GRIP1: variants seen among roughly 807,000 people sequenced by gnomAD.
GRIP1 encodes the protein glutamate receptor interacting protein 1.
GRIP1 carries 45 observed loss-of-function variants against 129.9 expected under a neutral mutation model. That is an observed-to-expected ratio of 0.35 (90% CI 0.27 to 0.44). The LOEUF (loss-of-function observed/expected upper bound fraction) is 0.44, where lower values mean the gene tolerates loss of function less well. Ranked by LOEUF, GRIP1 falls within the 20% of genes least tolerant of loss-of-function variation. The pLI is 1.00. For missense variants in GRIP1, 1,196 were observed against 1,396.8 expected (o/e 0.86, Z 2.29); for synonymous variants, 530 against 520.8 (o/e 1.02, Z -0.24).
chr12:66,838,705 G>T (rs1050923227), intron 1 of GRIP1, among the ~76,000 whole-genome samples: 7 of 152,154 alleles, frequency 4.6e-5, no homozygotes, highest in African/African-American at 1.7e-4. Context: ...GATAAAAATA[G>T]GTGAGTTGAT....
intron 1 of GRIP1, among the ~76,000 whole-genome samples, chr12:66,871,082 C>A (rs761375157): frequency 1.4e-4 from 22 of 152,012 alleles, no homozygotes; most frequent in Admixed American, 4.6e-4. Context: ...AATCTCAGCA[C>A]TGATGTGAGG....
intron 2 of GRIP1, among the ~76,000 whole-genome samples, chr12:66,543,611 A>G (rs1428349054): frequency 1.3e-5 from 2 of 152,184 alleles, no homozygotes; most frequent in African/African-American, 4.8e-5. Context: ...TGAAGACATC[A>G]CCTTAATAAA....
At chr12:66,920,205 A>G (rs1475414880) in intron 1 of GRIP1, among the ~76,000 whole-genome samples, 1 of 152,172 alleles carries the variant, frequency 6.6e-6, no homozygotes, top group Admixed American at 6.5e-5. Context: ...ATTAAATAAT[A>G]AAACCTCAGC....
chr12:66,665,723 G>T (rs1475448673), intron 1 of GRIP1, among the ~76,000 whole-genome samples: 2 of 152,164 alleles, frequency 1.3e-5, no homozygotes, highest in African/African-American at 2.4e-5. Context: ...AAACAGTGCT[G>T]CTAGGACCAT....
intron 9 of GRIP1, among the ~76,000 whole-genome samples, chr12:66,457,821 C>T (rs1230644900): frequency 6.6e-6 from 1 of 152,164 alleles, no homozygotes; most frequent in Non-Finnish European, 1.5e-5. Context: ...GCCTCCAGCC[C>T]TTCCTCTTTG....
chr12:66,548,281 T>TA (rs2062009844), intron 2 of GRIP1, among the ~76,000 whole-genome samples: 2 of 152,312 alleles, frequency 1.3e-5, no homozygotes, highest in South Asian at 2.1e-4. Flanking sequence ...GGAGGTGCTG[T>TA]AAAAAATTCT....
At chr12:66,694,073 C>T (rs892904119) in intron 1 of GRIP1, among the ~76,000 whole-genome samples, 1 of 152,172 alleles carries the variant, frequency 6.6e-6, no homozygotes, top group African/African-American at 2.4e-5. Flanking sequence ...AGCATCTCTT[C>T]CTCAAGACAT....
At chr12:66,506,330 C>T (rs2060525097) in intron 7 of GRIP1, among the ~76,000 whole-genome samples, 1 of 152,130 alleles carries the variant, frequency 6.6e-6, no homozygotes, top group Non-Finnish European at 1.5e-5. Context: ...GTGATCTATT[C>T]ACACAATGGA....
intron 2 of GRIP1, chr12:66,563,448 G>A (rs2062612743): frequency 6.6e-6 from 1 of 152,150 alleles, no homozygotes; most frequent in Non-Finnish European, 1.5e-5. Flanking sequence ...TTTTCCCACT[G>A]TAATTGTTCA....
intron 16 of GRIP1, among the ~76,000 whole-genome samples, chr12:66,396,103 G>C (rs115124026): frequency 3.3e-4 from 50 of 152,208 alleles, no homozygotes; most frequent in African/African-American, 1.1e-3. Flanking sequence ...CATTTGATTA[G>C]TAGTCCCTGG....
chr12:67,066,863 T>C lies in GRIP1; in HGVS notation c.58+2187A>G, dbSNP rs1430317892. 2.1e-5 allele frequency among the ~76,000 whole-genome samples: 3 copies of C among 143,838 alleles called. No homozygotes were observed. The Admixed American group carries it at 2.2e-4, about 10-fold the overall frequency. 94.4% of individuals were successfully genotyped at this position (143,838 alleles called of 152,430 possible). A position where few individuals can be genotyped will look rare whatever the true frequency, so the allele number is the denominator to read the frequency against. On this transcript the variant is annotated intron_variant, in intron 1 of 1. Transcript: ENST00000643019. ...TCTGATATATGCATTACAAGTCACA[T>C]AGGCAGCTCAGTTTAAATATATATT...
chr12:66,884,895 A>G (rs1302302290), intron 1 of GRIP1, among the ~76,000 whole-genome samples: 2 of 152,220 alleles, frequency 1.3e-5, no homozygotes, highest in African/African-American at 4.8e-5. Flanking sequence ...CTTAAATGAG[A>G]GGACAGGGCC....
chr12:66,775,262 G>A (rs2037942965), intron 1 of GRIP1, among the ~76,000 whole-genome samples: 1 of 152,132 alleles, frequency 6.6e-6, no homozygotes, highest in Non-Finnish European at 1.5e-5. Context: ...GAAACAAAGG[G>A]GGTTGGGACA....
At chr12:66,872,048 C>T (rs1592918806) in intron 1 of GRIP1, among the ~76,000 whole-genome samples, 1 of 152,048 alleles carries the variant, frequency 6.6e-6, no homozygotes, top group Non-Finnish European at 1.5e-5. Flanking sequence ...TACACCCTTG[C>T]TATATTTGGG....
chr12:66,670,287 A>C (rs900125762), intron 1 of GRIP1, among the ~76,000 whole-genome samples: 1 of 152,240 alleles, frequency 6.6e-6, no homozygotes, highest in African/African-American at 2.4e-5. Context: ...GGGAGAGATC[A>C]GTTAGCCCTT....
chr12:66,360,132 A>G (rs2054679281), intron 23 of GRIP1, among the ~76,000 whole-genome samples: 1 of 152,120 alleles, frequency 6.6e-6, no homozygotes, highest in South Asian at 2.1e-4. Flanking sequence ...AGGATTCAAG[A>G]CTAGAATATC....
intron 1 of GRIP1, among the ~76,000 whole-genome samples, chr12:67,068,535 C>T (rs193251189): frequency 1.3e-5 from 2 of 152,210 alleles, no homozygotes; most frequent in Middle Eastern, 3.4e-3. Flanking sequence ...TCTTCCTTCT[C>T]CTCTTCCTTC....
chr12:66,494,717 A>T (rs1337794267), intron 7 of GRIP1, among the ~76,000 whole-genome samples: 1 of 151,944 alleles, frequency 6.6e-6, no homozygotes, highest in African/African-American at 2.4e-5. Context: ...TAAAAAAACA[A>T]ATTAAAAAAA....
chr12:66,971,808 T>G (rs2137577618), intron 1 of GRIP1, among the ~76,000 whole-genome samples: 1 of 152,184 alleles, frequency 6.6e-6, no homozygotes, highest in South Asian at 2.1e-4. Flanking sequence ...AGAAAATAAG[T>G]AGAATTAAGT....
Sources: gnomAD v4.1 joint callset for allele counts (sites outside exome capture counted in the v4.1 genomes callset) on GRCh38, gnomAD v4.1.1 for gene constraint, MANE v1.5 for transcripts, NCBI Gene and HGNC (gene_info 2026-07-23, HGNC 2026-07-21) for gene names.